Variants in TACC2 observed in about 807,000 individuals in gnomAD.
TACC2 encodes the protein transforming acidic coiled-coil containing protein 2, also known as transforming acidic coiled-coil-containing protein 2.
TACC2 carries 137 observed loss-of-function variants against 227.3 expected under a neutral mutation model. That is an observed-to-expected ratio of 0.60 (90% CI 0.52 to 0.69). The LOEUF (loss-of-function observed/expected upper bound fraction) is 0.69, where lower values mean the gene tolerates loss of function less well. Ranked by LOEUF, TACC2 falls within the 30% of genes least tolerant of loss-of-function variation. The probability of loss-of-function intolerance (pLI) is 0.00; values close to 1 mark genes in which losing one functional copy is unlikely to be tolerated. For synonymous variants in TACC2, 1,523 were observed against 1,487.5 expected (o/e 1.02, Z -0.55); for missense variants, 3,470 against 3,694.4 (o/e 0.94, Z 1.57).
At chr10:122,246,810 T>C (rs1186650473) in intron 19 of TACC2, 2 of 152,280 alleles carry the variant, frequency 1.3e-5, no homozygotes, top group Admixed American at 6.5e-5. Flanking sequence ...TACACCAGCA[T>C]AGGCACGCAC....
At chr10:122,224,380 A>G (rs2095581290) in intron 11 of TACC2, among the ~76,000 whole-genome samples, 1 of 152,112 alleles carries the variant, frequency 6.6e-6, no homozygotes, top group Non-Finnish European at 1.5e-5. Context: ...GGAAACCCGC[A>G]CCCAGAATGC....
intron 5 of TACC2, among the ~76,000 whole-genome samples, chr10:122,104,718 G>A (rs903471752): frequency 2.0e-5 from 3 of 152,194 alleles, no homozygotes; most frequent in African/African-American, 7.2e-5. Context: ...GTGAAGTTAT[G>A]AGTTGGTGTG....
intron 3 of TACC2, among the ~76,000 whole-genome samples, chr10:122,081,793 A>G (rs1324921249): frequency 2.0e-5 from 3 of 152,188 alleles, no homozygotes; most frequent in African/African-American, 7.2e-5. Flanking sequence ...ACGTGCGGAA[A>G]TTCCATAGCC....
intron 3 of TACC2, among the ~76,000 whole-genome samples, chr10:122,063,683 T>C (rs1398568403): frequency 6.6e-6 from 1 of 152,112 alleles, no homozygotes; most frequent in Non-Finnish European, 1.5e-5. Context: ...GCTTTCAAAA[T>C]ATTAGTGTTT....
At chr10:122,015,381 T>G (rs541328660) in intron 1 of TACC2, among the ~76,000 whole-genome samples, 1 of 152,002 alleles carries the variant, frequency 6.6e-6, no homozygotes, top group South Asian at 2.1e-4. Flanking sequence ...GGCACGCACC[T>G]GTAGTCTCAG....
At position 122,084,140 on chromosome 10, in the gene TACC2, C is replaced by A; in HGVS notation, c.1640C>A (p.Pro547Gln). The A allele has an allele frequency of 6.2e-7, 1 of 1,614,062 alleles. No homozygotes were observed. The highest frequency in any genetic ancestry group is 1.1e-5 in the South Asian group (1 of 91,080). The change falls in exon 4 of 23, where the codon CCG (proline) becomes CAG (glutamine). Residue 547 changes from proline (P) to glutamine (Q), a missense_variant. Transcript: ENST00000369005. ...CCAAGTGAAAGTGCCAGAGGGCCAC[C>A]GGGGCCAACGGATGGAGCCAAGGTC... Reference protein sequence around the residue: ...KAPSESARGPPGPTDGAKVHE... With the variant: ...KAPSESARGPQGPTDGAKVHE...
chr10:122,203,431 C>T (rs2094956834), intron 8 of TACC2, among the ~76,000 whole-genome samples: 2 of 150,940 alleles, frequency 1.3e-5, no homozygotes, highest in African/African-American at 4.9e-5. Context: ...CCCCCCACCT[C>T]CCTCCCGGAC....
At chr10:122,202,975 G>T (rs2094927836) in intron 8 of TACC2, among the ~76,000 whole-genome samples, 1 of 151,302 alleles carries the variant, frequency 6.6e-6, no homozygotes, top group Non-Finnish European at 1.5e-5. Context: ...CAGGGTTGGG[G>T]GTAAGGTCAC....
intron 8 of TACC2, among the ~76,000 whole-genome samples, chr10:122,198,164 G>C (rs570943948): frequency 6.6e-6 from 1 of 152,298 alleles, no homozygotes; most frequent in South Asian, 2.1e-4. Flanking sequence ...AGCGTGTCTG[G>C]GCTCCCTGGG....
chr10:122,029,663 G>A (rs1246748632), intron 2 of TACC2, among the ~76,000 whole-genome samples: 2 of 152,136 alleles, frequency 1.3e-5, no homozygotes, highest in Non-Finnish European at 1.5e-5. Context: ...CTTCGGGCAC[G>A]CCTCCCAGTA....
chr10:122,148,648 T>C (rs1486684336), intron 7 of TACC2, among the ~76,000 whole-genome samples: 2 of 152,382 alleles, frequency 1.3e-5, no homozygotes, highest in East Asian at 1.9e-4. Context: ...TATTACAGAA[T>C]TGACAGATGC....
At chr10:122,035,869 G>GTA (rs1960144073) in intron 2 of TACC2, among the ~76,000 whole-genome samples, 5 of 151,938 alleles carry the variant, frequency 3.3e-5, no homozygotes, top group African/African-American at 1.2e-4. Context: ...ATGGAGTGCA[G>GTA]TAGTGCAATC....
intron 19 of TACC2, among the ~76,000 whole-genome samples, chr10:122,243,415 T>G (rs892974000): frequency 3.3e-5 from 5 of 152,156 alleles, no homozygotes; most frequent in Non-Finnish European, 7.4e-5. Flanking sequence ...GTAAATATAA[T>G]AGTAGCCTCA....
In TACC2 at chr10:122,230,390, A is replaced by C; in HGVS notation, c.8077A>C (p.Lys2693Gln). 1 of 1,614,194 alleles carries C rather than the reference A, an allele frequency of 6.2e-7. No individual in the cohort carries two copies. The highest frequency in any genetic ancestry group is 8.5e-7 in the Non-Finnish European group (1 of 1,180,032). ...EFAIMRIEAL[K>Q]LARQIALASR... The stretch of plus-strand genomic sequence containing the variant: ...TGCCATCATGCGGATAGAAGCCCTG[A>C]AGCTGGCCAGGCAGATTGCTTTGGC... Residue 2693 changes from lysine (K) to glutamine (Q), a missense_variant, in exon 16 of 23, where the codon AAG (lysine) becomes CAG (glutamine). Around this residue, in one of 10 missense-constraint regions of TACC2, gnomAD observed 345 missense variants for 354.4 expected, o/e 0.97. Coordinates refer to ENST00000369005, the MANE Select transcript of TACC2 (RefSeq NM_206862.4).
chr10:122,232,500 A>G (rs894747089), intron 16 of TACC2, among the ~76,000 whole-genome samples: 2 of 152,218 alleles, frequency 1.3e-5, no homozygotes, highest in African/African-American at 4.8e-5. Context: ...AAATAGAGTC[A>G]TGTGTGTTCA....
chr10:122,139,297 G>A (rs1414514953), intron 6 of TACC2, among the ~76,000 whole-genome samples: 1 of 152,242 alleles, frequency 6.6e-6, no homozygotes, highest in Non-Finnish European at 1.5e-5. Context: ...GCGCCCGCTG[G>A]AAATCTGCAG....
chr10:122,074,814 G>A (rs987042642), intron 3 of TACC2, among the ~76,000 whole-genome samples: 4 of 152,032 alleles, frequency 2.6e-5, no homozygotes, highest in South Asian at 2.1e-4. Flanking sequence ...CGTGGTCCCC[G>A]AATTAACTGG....
intron 1 of TACC2, among the ~76,000 whole-genome samples, chr10:122,005,463 C>T (rs1236676530): frequency 6.6e-6 from 1 of 150,514 alleles, no homozygotes; most frequent in Non-Finnish European, 1.5e-5. Flanking sequence ...CGGCTCACTG[C>T]AAGCTCCACC....
In TACC2 at chr10:122,085,148, A is replaced by G; in HGVS notation, c.2648A>G (p.Glu883Gly). 1 of 1,614,156 alleles carries G rather than the reference A, an allele frequency of 6.2e-7. No homozygotes were observed. The highest frequency in any genetic ancestry group is 1.1e-5 in the South Asian group (1 of 91,086). ...SQIHVPVEPQ[E>G]DNNLPTHGGQ... ...ATCCATGTACCTGTGGAACCTCAGG[A>G]AGATAACAACTTGCCCACTCATGGA... Residue 883 changes from glutamate (E) to glycine (G), a missense_variant, in exon 4 of 23, where the codon GAA (glutamate) becomes GGA (glycine). Glu to Gly is a moderately conservative substitution (Grantham distance 98). Around this residue, in one of 10 missense-constraint regions of TACC2, gnomAD observed 1,924 missense variants for 1,978.3 expected, o/e 0.97. Coordinates refer to ENST00000369005, the MANE Select transcript of TACC2 (RefSeq NM_206862.4).
Sources: gnomAD v4.1 joint callset for allele counts (sites outside exome capture counted in the v4.1 genomes callset) on GRCh38, gnomAD v4.1.1 for gene constraint, gnomAD v4.1.1 regional missense constraint, MANE v1.5 for transcripts, NCBI Gene and HGNC (gene_info 2026-07-23, HGNC 2026-07-21) for gene names.